Variants in TBL1X observed in about 807,000 individuals in gnomAD.
The protein encoded by TBL1X is F-box-like/WD repeat-containing protein TBL1X.
A neutral mutation model predicts 50.7 loss-of-function variants in TBL1X; 10 were observed. That is an observed-to-expected ratio of 0.20 (90% CI 0.12 to 0.33). The LOEUF (loss-of-function observed/expected upper bound fraction) is 0.33. Ranked by LOEUF, TBL1X falls within the 10% of genes least tolerant of loss-of-function variation. The pLI, the probability that TBL1X is intolerant of heterozygous loss-of-function variation, is 1.00. For synonymous variants in TBL1X, 190 were observed against 214.7 expected (o/e 0.88, Z 1.01); for missense variants, 340 against 504.4 (o/e 0.67, Z 3.12).
intron 2 of TBL1X, among the ~76,000 whole-genome samples, chrX:9,557,241 G>C (rs773795106): frequency 8.9e-6 from 1 of 112,381 alleles, no homozygotes; most frequent in South Asian, 3.6e-4. Flanking sequence ...AGAAACACGA[G>C]GTCAGTCAGG....
intron 1 of TBL1X, among the ~76,000 whole-genome samples, chrX:9,479,058 G>C (rs1395504641): frequency 2.7e-5 from 3 of 112,955 alleles, no homozygotes; most frequent in Non-Finnish European, 5.6e-5. Context: ...TAAAGCCCCT[G>C]TTCTCCCTCT....
At chrX:9,600,842 GAA>G (rs1397699610) in intron 2 of TBL1X, among the ~76,000 whole-genome samples, 1 of 111,972 alleles carries the variant, frequency 8.9e-6, no homozygotes, top group African/African-American at 3.3e-5. Context: ...GGAGCAGAGA[GAA>G]GGGTCTGCTT....
At chrX:9,591,245 C>T (rs1164237382) in intron 2 of TBL1X, among the ~76,000 whole-genome samples, 4 of 111,478 alleles carry the variant, frequency 3.6e-5, no homozygotes, top group African/African-American at 1.3e-4. Context: ...CCACGTGAAG[C>T]ACTCAGCACA....
At chrX:9,463,764 T>TGG (rs2081750850), upstream of TBL1X, among the ~76,000 whole-genome samples, 1 of 111,684 alleles carries the variant, frequency 9.0e-6, no homozygotes, top group Non-Finnish European at 1.9e-5. Flanking sequence ...CGTGGTGGCA[T>TGG]GCGCCTGTAA....
At chrX:9,480,764 C>CCCG (rs373974607) in intron 1 of TBL1X, among the ~76,000 whole-genome samples, 41 of 68,520 alleles carry the variant, frequency 6.0e-4, no homozygotes, top group African/African-American at 2.2e-3. Context: ...GCCACCCCCC[C>CCCG]CCCCGCCCTT....
intron 2 of TBL1X, among the ~76,000 whole-genome samples, chrX:9,526,304 A>G (rs1456984517): frequency 1.8e-5 from 2 of 111,742 alleles, no homozygotes; most frequent in Non-Finnish European, 3.8e-5. Flanking sequence ...AAAAGTAGAT[A>G]AAATTTGCCT....
intron 1 of TBL1X, among the ~76,000 whole-genome samples, chrX:9,483,551 C>G (rs886193): frequency 2.2e-4 from 24 of 110,955 alleles, no homozygotes; most frequent in African/African-American, 7.5e-4. Flanking sequence ...TTACCTAACT[C>G]CCCCCAACAA....
chrX:9,587,581 A>G (rs2082476688), intron 2 of TBL1X, among the ~76,000 whole-genome samples: 1 of 111,547 alleles, frequency 9.0e-6, no homozygotes, highest in Admixed American at 9.5e-5. Context: ...GAAAAATTTG[A>G]GGGGGTGACA....
chrX:9,706,031 G>T (rs961947658), intron 13 of TBL1X, among the ~76,000 whole-genome samples: 1 of 110,354 alleles, frequency 9.1e-6, no homozygotes, highest in Non-Finnish European at 1.9e-5. Context: ...GAGTGGGGGG[G>T]GTGTCACATA....
At chrX:9,658,415 G>A (rs1373104068) in intron 5 of TBL1X, among the ~76,000 whole-genome samples, 1 of 110,645 alleles carries the variant, frequency 9.0e-6, no homozygotes, top group Non-Finnish European at 1.9e-5. Context: ...CTAGAAATGT[G>A]CACAGCCTGC....
At chrX:9,488,916 T>G (rs2081927546) in intron 1 of TBL1X, among the ~76,000 whole-genome samples, 1 of 111,053 alleles carries the variant, frequency 9.0e-6, no homozygotes, top group Non-Finnish European at 1.9e-5. Context: ...AAACTCCTGG[T>G]CTCAAGCGAT....
chrX:9,688,408 C>T (rs760653486), intron 7 of TBL1X, 133 bp downstream of exon 7: 10 of 585,657 alleles, frequency 1.7e-5, no homozygotes, highest in South Asian at 8.8e-5. Flanking sequence ...TGTTTGCTTA[C>T]GATCTGGCCG....
intron 2 of TBL1X, among the ~76,000 whole-genome samples, chrX:9,521,142 G>T (rs1601729990): frequency 9.0e-6 from 1 of 110,602 alleles, no homozygotes; most frequent in African/African-American, 3.3e-5. Context: ...ATAAAGAATG[G>T]GGGGAGGGGA....
At chrX:9,702,607 G>GA (rs59896272) in intron 12 of TBL1X, among the ~76,000 whole-genome samples, 4,144 of 69,957 alleles carry the variant, frequency 0.059, 261 homozygotes, top group African/African-American at 0.18. Flanking sequence ...TCATCTCCAA[G>GA]AAAAAAAAAA....
At chrX:9,497,543 A>G (rs750029715) in intron 1 of TBL1X, among the ~76,000 whole-genome samples, 4 of 111,082 alleles carry the variant, frequency 3.6e-5, no homozygotes, top group East Asian at 2.8e-4. Flanking sequence ...AGGGGTTGCT[A>G]TGTGTCATAA....
chrX:9,619,329 C>T (rs1486535700), intron 2 of TBL1X, among the ~76,000 whole-genome samples: 1 of 112,177 alleles, frequency 8.9e-6, no homozygotes, highest in East Asian at 2.8e-4. Flanking sequence ...TCTGCCAATA[C>T]TTTGTGGGCC....
intron 1 of TBL1X, among the ~76,000 whole-genome samples, chrX:9,471,630 G>C (rs181400156): frequency 1.8e-5 from 2 of 111,914 alleles, no homozygotes; most frequent in African/African-American, 6.5e-5. Context: ...AACCCACAGC[G>C]AGTCAGAAGG....
In TBL1X at chrX:9,604,398, CT is replaced by C. The variant is rs748176029; in HGVS notation, c.-130-35872del. On this transcript the variant is annotated intron_variant, in intron 2 of 17. Coordinates refer to ENST00000645353, the MANE Select transcript of TBL1X (RefSeq NM_005647.4). ...TTAGCCGGGTAGACTTTTTATTTCA[CT>C]TTCCCCCCCTTTTTTTTTTGCCAGT... 6.7e-4 allele frequency among the ~76,000 whole-genome samples: 71 copies of C among 106,526 alleles called. No individual in the cohort carries two copies. In the South Asian group the frequency reaches 0.013, roughly 20 times the overall value. 92.5% of individuals were successfully genotyped at this position (106,526 alleles called of 115,157 possible). A position where few individuals can be genotyped will look rare whatever the true frequency, so the allele number is the denominator to read the frequency against.
intron 1 of TBL1X, among the ~76,000 whole-genome samples, chrX:9,491,824 G>T (rs2081946763): frequency 9.0e-6 from 1 of 110,763 alleles, no homozygotes; most frequent in African/African-American, 3.3e-5. Context: ...AAGTTGTTTT[G>T]GTGATTGAAA....
Sources: gnomAD v4.1 joint callset for allele counts (sites outside exome capture counted in the v4.1 genomes callset) on GRCh38, gnomAD v4.1.1 for gene constraint, MANE v1.5 for transcripts, NCBI Gene and HGNC (gene_info 2026-07-23, HGNC 2026-07-21) for gene names.